PLS3: variants seen among roughly 807,000 people sequenced by gnomAD.
PLS3 encodes plastin-3.
PLS3 carries 11 observed loss-of-function variants against 46.5 expected under a neutral mutation model. The observed-to-expected ratio is 0.24, with a 90% confidence interval of 0.15 to 0.39. PLS3 has a LOEUF of 0.39. Ranked by LOEUF, PLS3 falls within the 10% of genes least tolerant of loss-of-function variation. The pLI is 1.00. For synonymous variants in PLS3, 167 were observed against 162.2 expected, an observed-to-expected ratio of 1.03 and a Z score of -0.22; for missense variants, 308 against 461.8, an observed-to-expected ratio of 0.67 and a Z score of 3.05.
intron 1 of PLS3, among the ~76,000 whole-genome samples, chrX:115,566,598 C>T (rs1603214359): frequency 9.0e-6 from 1 of 110,750 alleles, no homozygotes; most frequent in African/African-American, 3.3e-5. Context: ...ACCGTGGTCT[C>T]GATCTCCTGA....
intron 10 of PLS3, 51 bp downstream of exon 10, chrX:115,643,559 A>G: frequency 1.5e-6 from 1 of 670,329 alleles, no homozygotes. Flanking sequence ...GTAGAAATAC[A>G]TAGGCCACAA....
At chrX:115,612,141 A>G (rs1569527871) in intron 2 of PLS3, among the ~76,000 whole-genome samples, 2 of 111,638 alleles carry the variant, frequency 1.8e-5, no homozygotes, top group Admixed American at 9.5e-5. Context: ...ATTGAAACCC[A>G]AGGAACTATA....
At chrX:115,612,885 C>A (rs1569527889) in intron 2 of PLS3, among the ~76,000 whole-genome samples, 1 of 111,890 alleles carries the variant, frequency 8.9e-6, no homozygotes, top group African/African-American at 3.2e-5. Context: ...TTCCCAGTAG[C>A]AGAAACGTTA....
intron 1 of PLS3, among the ~76,000 whole-genome samples, chrX:115,567,419 C>T (rs913659882): frequency 8.2e-5 from 9 of 109,820 alleles, no homozygotes; most frequent in Non-Finnish European, 7.6e-5. Context: ...GGTGAAACCC[C>T]GTCTCTACTA....
intron 5 of PLS3, among the ~76,000 whole-genome samples, chrX:115,630,615 A>C (rs1268400245): frequency 9.5e-6 from 1 of 105,610 alleles, no homozygotes; most frequent in African/African-American, 3.4e-5. Flanking sequence ...TGTGAGCATT[A>C]AGTAAATTAC....
chrX:115,608,361 C>T (rs782465770), intron 1 of PLS3, among the ~76,000 whole-genome samples: 1 of 111,940 alleles, frequency 8.9e-6, no homozygotes, highest in East Asian at 2.8e-4. Context: ...AAATTTAACC[C>T]GTAGTATATT....
chrX:115,638,462 C>T (rs925873552), intron 8 of PLS3, among the ~76,000 whole-genome samples: 7 of 109,818 alleles, frequency 6.4e-5, no homozygotes, highest in Non-Finnish European at 1.3e-4. Flanking sequence ...CCAGGCTGGA[C>T]TCAAGCTCCT....
chrX:115,650,482 A>G lies in PLS3; in HGVS notation c.*921A>G, dbSNP rs958658654. 1.8e-5 allele frequency: 2 copies of G among 111,994 alleles called. No homozygotes were observed. The highest frequency in any genetic ancestry group is 3.7e-4 in the South Asian group (1 of 2,705). The allele number at this position is 111,994 out of a possible 1,213,427, so 9.2% of individuals were successfully genotyped here. ...GCCAAGTATGCTAAGTGTACAATAT[A>G]TTTTTTAATTTTACACCTGAAACAA... On this transcript the variant is annotated 3_prime_UTR_variant, in exon 16 of 16. Coordinates refer to ENST00000355899, the MANE Select transcript of PLS3 (RefSeq NM_005032.7).
At chrX:115,611,511 T>G (rs2074548606) in intron 2 of PLS3, among the ~76,000 whole-genome samples, 1 of 111,639 alleles carries the variant, frequency 9.0e-6, no homozygotes, top group African/African-American at 3.2e-5. Context: ...AATAGTCTTA[T>G]AATTGTTTTA....
Position 115,598,695 on chromosome X carries a change from C to A in PLS3, c.-8-11548C>A, listed in dbSNP as rs187833451. ...TTATATTAAGACTAAGTTATTAGCACTGATACAATGGGAGTGGTTGTTCAC... is the reference window on the plus strand; with the variant it reads ...TTATATTAAGACTAAGTTATTAGCAATGATACAATGGGAGTGGTTGTTCAC... On this transcript the variant is annotated intron_variant, in intron 1 of 15. Transcript: ENST00000355899. Among the ~76,000 whole-genome samples, 8 of 112,116 alleles carry A rather than the reference C, an allele frequency of 7.1e-5. No homozygotes were observed. The East Asian group carries it at 2.2e-3, about 31-fold the overall frequency.
chrX:115,624,188 C>G (rs907438406), intron 3 of PLS3, among the ~76,000 whole-genome samples: 1 of 97,098 alleles, frequency 1.0e-5, no homozygotes, highest in African/African-American at 4.0e-5. Flanking sequence ...AAGATTGTGC[C>G]ACTGCACTCC....
intron 1 of PLS3, among the ~76,000 whole-genome samples, chrX:115,579,845 G>A (rs1556631664): frequency 6.3e-5 from 7 of 110,667 alleles, no homozygotes. Flanking sequence ...TGATTCTCCT[G>A]CCTAAGCCTC....
At chrX:115,573,878 T>C (rs2074232245) in intron 1 of PLS3, among the ~76,000 whole-genome samples, 1 of 110,633 alleles carries the variant, frequency 9.0e-6, no homozygotes, top group Admixed American at 9.7e-5. Context: ...AATTTTTGTA[T>C]TTTTTAGTAG....
At chrX:115,627,395 G>A (rs1011561184) in intron 3 of PLS3, among the ~76,000 whole-genome samples, 2 of 111,652 alleles carry the variant, frequency 1.8e-5, no homozygotes, top group African/African-American at 6.5e-5. Flanking sequence ...GGGACTTGTG[G>A]TATGTTAGGC....
At chrX:115,623,458 C>T (rs1414175399) in intron 3 of PLS3, among the ~76,000 whole-genome samples, 1 of 111,821 alleles carries the variant, frequency 8.9e-6, no homozygotes, top group Non-Finnish European at 1.9e-5. Context: ...TAGTTTGAGG[C>T]TGCAGTGAGC....
chrX:115,649,195 G>C (rs1370377235), intron 15 of PLS3, among the ~76,000 whole-genome samples: 1 of 111,518 alleles, frequency 9.0e-6, no homozygotes, highest in Admixed American at 9.7e-5. Flanking sequence ...TGGAGAAAAA[G>C]AGTGAATAAA....
At chrX:115,599,453 A>G (rs782209433) in intron 1 of PLS3, among the ~76,000 whole-genome samples, 7 of 101,991 alleles carry the variant, frequency 6.9e-5, no homozygotes, top group South Asian at 4.8e-4. Flanking sequence ...ACTTGAGGCC[A>G]GGAGTTGGAG....
chrX:115,625,679 C>A (rs1253580235), intron 3 of PLS3, among the ~76,000 whole-genome samples: 1 of 110,487 alleles, frequency 9.1e-6, no homozygotes, highest in African/African-American at 3.3e-5. Flanking sequence ...AAATTCAATC[C>A]TGCCTCTTTG....
At chrX:115,564,849 A>G (rs1262752898) in intron 1 of PLS3, among the ~76,000 whole-genome samples, 1 of 112,004 alleles carries the variant, frequency 8.9e-6, no homozygotes, top group African/African-American at 3.2e-5. Context: ...ACAATGGGGT[A>G]TCTGTTTTTA....
Sources: gnomAD v4.1 joint callset for allele counts (sites outside exome capture counted in the v4.1 genomes callset) on GRCh38, gnomAD v4.1.1 for gene constraint, MANE v1.5 for transcripts, NCBI Gene and HGNC (gene_info 2026-07-23, HGNC 2026-07-21) for gene names.